ASAP3: variants seen among roughly 807,000 people sequenced by gnomAD.
The protein encoded by ASAP3 is ArfGAP with SH3 domain, ankyrin repeat and PH domain 3, also known as arf-GAP with SH3 domain, ANK repeat and PH domain-containing protein 3.
A neutral mutation model predicts 118.2 loss-of-function variants in ASAP3; 85 were observed. The ratio of observed to expected loss-of-function variants is 0.72; its 90% CI spans 0.60 to 0.86. The LOEUF (loss-of-function observed/expected upper bound fraction) is 0.86. Ranked by LOEUF, ASAP3 falls within the 40% of genes least tolerant of loss-of-function variation. The pLI, the probability that ASAP3 is intolerant of heterozygous loss-of-function variation, is 0.00. For synonymous variants in ASAP3, 432 were observed against 477.4 expected, an observed-to-expected ratio of 0.90 and a Z score of 1.24; for missense variants, 1,026 against 1,175.0, an observed-to-expected ratio of 0.87 and a Z score of 1.85.
At chr1:23,459,006 C>T (rs1384405030) in intron 1 of ASAP3, among the ~76,000 whole-genome samples, 1 of 151,754 alleles carries the variant, frequency 6.6e-6, no homozygotes, top group Non-Finnish European at 1.5e-5. Flanking sequence ...ACTGTCTCTA[C>T]TAAAAATACA....
At chr1:23,479,183 A>G (rs559875365) in intron 1 of ASAP3, among the ~76,000 whole-genome samples, 130 of 152,270 alleles carry the variant, frequency 8.5e-4, no homozygotes, top group African/African-American at 3.0e-3. Flanking sequence ...TTACCTTTAG[A>G]CACTGGCCCA....
In ASAP3 at chr1:23,467,678, G is replaced by A. The variant is rs149819319; in HGVS notation, c.130-11484C>T. ...AGAAACAAATACAAACTAGGTCGGC[G>A]TGGTGGCTCACGCCTGTAATCCCAG... On this transcript the variant is annotated intron_variant, in intron 1 of 24. Transcript: ENST00000336689. Among the ~76,000 whole-genome samples, 1,269 of 152,110 alleles carry A rather than the reference G, an allele frequency of 8.3e-3. 8 individuals are homozygous for A. The highest frequency in any genetic ancestry group is 0.031 in the Middle Eastern group (9 of 294).
intron 17 of ASAP3, 113 bp downstream of exon 17, chr1:23,435,738 G>C: frequency 8.2e-7 from 1 of 1,224,620 alleles, no homozygotes; most frequent in Non-Finnish European, 1.2e-6. Flanking sequence ...TGATGGGTGA[G>C]ATCTGAGCAG....
In ASAP3 at chr1:23,429,684, G is replaced by A; in HGVS notation, c.*172C>T. 1.6e-6 allele frequency: 1 copy of A among 622,268 alleles called. No individual in the cohort carries two copies. The highest frequency in any genetic ancestry group is 1.9e-5 in the African/African-American group (1 of 54,042). 38.5% of individuals were successfully genotyped at this position (622,268 alleles called of 1,614,324 possible). A position where few individuals can be genotyped will look rare whatever the true frequency, so the allele number is the denominator to read the frequency against. ...CAGTCCTAACAGGGAAAGGCCATGT[G>A]TCCTTGGTAGAGGCATGGCCTGTGG... On this transcript the variant is annotated 3_prime_UTR_variant, in exon 25 of 25. Coordinates refer to ENST00000336689, the MANE Select transcript of ASAP3 (RefSeq NM_017707.4).
rs1640507151 is a variant in ASAP3 at position 23,433,224 on chromosome 1, G to A, written c.2176C>T (p.Leu726=). The A allele has an allele frequency of 1.9e-6, 3 of 1,613,184 alleles. No individual in the cohort carries two copies. Among genetic ancestry groups the A allele is most frequent in the Non-Finnish European group, 1.7e-6 (2 of 1,179,418 alleles). ...TCATAGGTCTTGTTGCTGATGTCCA[G>A]CCTCCCACTGGCCCAGTGAGCCTGG... is the stretch of plus-strand genomic sequence containing the variant. ...PAQAHWASGR[L]DISNKTYETV... is the part of the protein sequence containing the mutation. Residue 726 remains leucine (L), a synonymous_variant, in exon 22 of 25, where the codon CTG becomes TTG. Transcript: ENST00000336689.
rs935734866 is a variant in ASAP3 at position 23,473,366 on chromosome 1, G to A, written c.129+10639C>T. On this transcript the variant is annotated intron_variant, in intron 1 of 24. Coordinates refer to ENST00000336689, the MANE Select transcript of ASAP3 (RefSeq NM_017707.4). Reference sequence around the variant, plus strand: ...ACCTTCAGCAGCTGTTCCCAGCTCAGCCTCCCATGCCCTCCAAAGCACCTC... The same window carrying A: ...ACCTTCAGCAGCTGTTCCCAGCTCAACCTCCCATGCCCTCCAAAGCACCTC... Among the ~76,000 whole-genome samples the A allele has an allele frequency of 4.6e-5, 7 of 152,254 alleles. No individual in the cohort carries two copies. In the South Asian group the frequency reaches 1.5e-3, roughly 32 times the overall value.
chr1:23,479,830 T>C (rs1028496658), intron 1 of ASAP3: 46 of 152,124 alleles, frequency 3.0e-4, no homozygotes, highest in Admixed American at 3.0e-3. Context: ...ATACAGGGAT[T>C]GAGATAGTTG....
intron 1 of ASAP3, among the ~76,000 whole-genome samples, chr1:23,476,165 G>A (rs919045542): frequency 2.0e-5 from 3 of 151,948 alleles, no homozygotes; most frequent in African/African-American, 7.3e-5. Flanking sequence ...GGCCAACATG[G>A]TGAAACCTCA....
intron 17 of ASAP3, among the ~76,000 whole-genome samples, chr1:23,435,116 C>T (rs990316527): frequency 6.6e-6 from 1 of 152,244 alleles, no homozygotes; most frequent in African/African-American, 2.4e-5. Context: ...TAGCCTCAAC[C>T]TCCTGGGCTC....
rs764541056 is a variant in ASAP3, at chr1:23,433,404, AG to A, written c.2127+20del. 1 of 1,614,086 alleles carries A rather than the reference AG, an allele frequency of 6.2e-7. No homozygotes were observed. Among genetic ancestry groups the A allele is most frequent in the Non-Finnish European group, 8.5e-7 (1 of 1,180,012 alleles). ...TTTCCTTCTGCCATCCAGAGGCCTG[AG>A]GGACAGGGCTGGGACCCACCTTCTC... On this transcript the variant is annotated intron_variant, in intron 21 of 24. Transcript: ENST00000336689.
chr1:23,431,222 G>A, intron 23 of ASAP3, 97 bp from the exon 24 acceptor site: 2 of 1,306,276 alleles, frequency 1.5e-6, no homozygotes, highest in East Asian at 5.0e-5. Flanking sequence ...TGGGGGCTTA[G>A]GATGGGTGGG....
chr1:23,462,320 G>A (rs1467160839), intron 1 of ASAP3, among the ~76,000 whole-genome samples: 3 of 149,094 alleles, frequency 2.0e-5, no homozygotes, highest in African/African-American at 7.3e-5. Context: ...CACCGCGCCC[G>A]GCCACAAACT....
rs1222258323 is a variant in ASAP3, at chr1:23,456,209, G to A, written c.130-15C>T. 6.2e-7 allele frequency: 1 copy of A among 1,613,208 alleles called. No homozygotes were observed. The highest frequency in any genetic ancestry group is 1.1e-5 in the South Asian group (1 of 90,976). On this transcript the variant is annotated splice_polypyrimidine_tract_variant and intron_variant, in intron 1 of 24. Transcript: ENST00000336689. ...CCTTCCAAGATCTGGAAGCAAATGT[G>A]GACAGAGGTTCAGGGATGCCAAGCT...
chr1:23,455,800 G>C, intron 3 of ASAP3, 81 bp downstream of exon 3: 1 of 1,563,708 alleles, frequency 6.4e-7, no homozygotes, highest in Middle Eastern at 2.2e-4. Flanking sequence ...GAGAAGGAAG[G>C]AAACGGACCC....
Position 23,438,146 on chromosome 1 carries a change from T to C in ASAP3, c.1102+601A>G, listed in dbSNP as rs562498387. ...ACAAACTCTTCATTCTACATGTCCTTCAAGGCTAAACTCAAATACTGTCTC... is the reference window on the plus strand; with the variant it reads ...ACAAACTCTTCATTCTACATGTCCTCCAAGGCTAAACTCAAATACTGTCTC... On this transcript the variant is annotated intron_variant, in intron 12 of 24. Coordinates refer to ENST00000336689, the MANE Select transcript of ASAP3 (RefSeq NM_017707.4). This position sits in a 1 kb window ranked among gnomAD's most constrained non-coding sequence, Gnocchi z 4.9. Among the ~76,000 whole-genome samples the C allele has an allele frequency of 1.3e-5, 2 of 152,214 alleles. No homozygotes were observed. The highest frequency in any genetic ancestry group is 4.8e-5 in the African/African-American group (2 of 41,534).
chr1:23,441,504 A>G (rs1318804930), intron 8 of ASAP3, 31 bp from the exon 9 acceptor site: 1 of 1,612,560 alleles, frequency 6.2e-7, no homozygotes, highest in South Asian at 1.1e-5. Context: ...TCCCATCACC[A>G]GCCAACAAAT....
chr1:23,449,056 TC>T (rs1237863753), intron 5 of ASAP3, among the ~76,000 whole-genome samples: 1 of 40,268 alleles, frequency 2.5e-5, no homozygotes, highest in Admixed American at 4.5e-4. Flanking sequence ...GAGATAACAG[TC>T]TCTCTCAGAA....
chr1:23,435,546 C>A (rs995664718), intron 17 of ASAP3, among the ~76,000 whole-genome samples: 16 of 152,176 alleles, frequency 1.1e-4, no homozygotes, highest in Non-Finnish European at 1.8e-4. Context: ...GTACACTAAG[C>A]CCTTTATATA....
chr1:23,443,728 G>A (rs550868689), intron 5 of ASAP3, among the ~76,000 whole-genome samples: 5 of 143,538 alleles, frequency 3.5e-5, no homozygotes, highest in East Asian at 2.0e-4. Context: ...ACGGAGTCTC[G>A]CTCTGTTGCC....
Sources: gnomAD v4.1 joint callset for allele counts (sites outside exome capture counted in the v4.1 genomes callset) on GRCh38, gnomAD v4.1.1 for gene constraint, Gnocchi (gnomAD v3.1) non-coding constraint, MANE v1.5 for transcripts, NCBI Gene and HGNC (gene_info 2026-07-23, HGNC 2026-07-21) for gene names.